AIM2: variants seen among roughly 807,000 people sequenced by gnomAD.
AIM2 encodes interferon-inducible protein AIM2.
Under a neutral mutation model 27.7 loss-of-function variants are expected in AIM2, and 30 were observed. That is an observed-to-expected ratio of 1.08 (90% CI 0.81 to 1.47). AIM2 has a LOEUF of 1.47. Ranked by LOEUF, AIM2 falls within the 40% of genes most tolerant of loss-of-function variation. The pLI, the probability that AIM2 is intolerant of heterozygous loss-of-function variation, is 0.00. For synonymous variants in AIM2, 141 were observed against 145.3 expected, an observed-to-expected ratio of 0.97 and a Z score of 0.21; for missense variants, 358 against 411.3, an observed-to-expected ratio of 0.87 and a Z score of 1.12.
intron 1 of AIM2, among the ~76,000 whole-genome samples, chr1:159,119,532 C>T (rs2102037979): frequency 6.6e-6 from 1 of 152,144 alleles, no homozygotes; most frequent in South Asian, 2.1e-4. Context: ...TGTCAAGACC[C>T]CAATTGTTCT....
chr1:159,061,714 G>A (rs1386564498), downstream of AIM2, among the ~76,000 whole-genome samples: 1 of 151,714 alleles, frequency 6.6e-6, no homozygotes. Context: ...CTGGATACAG[G>A]GTCTTCAGCA....
At chr1:159,077,381 T>C (rs11265139), upstream of AIM2, among the ~76,000 whole-genome samples, 969 of 152,356 alleles carry the variant, frequency 6.4e-3, 13 homozygotes, top group African/African-American at 0.022. Context: ...TCCGGAACTG[T>C]CATGGCGTCA....
At chr1:159,057,696 T>C (rs1314441525), downstream of AIM2, among the ~76,000 whole-genome samples, 2 of 152,166 alleles carry the variant, frequency 1.3e-5, no homozygotes, top group African/African-American at 4.8e-5. Flanking sequence ...TAAAAACAAC[T>C]AGTGAGTTTA....
At chr1:159,080,122 C>T (rs552835867), upstream of AIM2, among the ~76,000 whole-genome samples, 5 of 152,222 alleles carry the variant, frequency 3.3e-5, no homozygotes, top group East Asian at 1.9e-4. Context: ...TTGGCAATTA[C>T]GAATAAACCT....
chr1:159,099,454 C>T (rs367976365), intron 1 of AIM2, among the ~76,000 whole-genome samples: 5 of 152,286 alleles, frequency 3.3e-5, no homozygotes, highest in South Asian at 2.1e-4. Context: ...CCTTAAGGCA[C>T]GACTCAGGAT....
intron 1 of AIM2, among the ~76,000 whole-genome samples, chr1:159,100,306 A>G (rs910389655): frequency 6.6e-6 from 1 of 152,144 alleles, no homozygotes; most frequent in Non-Finnish European, 1.5e-5. Context: ...ACCTTATAAA[A>G]CCATTTGTGT....
chr1:159,074,539 G>A (rs1656511885), intron 1 of AIM2, among the ~76,000 whole-genome samples: 4 of 151,314 alleles, frequency 2.6e-5, no homozygotes, highest in Admixed American at 2.6e-4. Flanking sequence ...ACCTATTTTT[G>A]TAACTTGTTG....
chr1:159,075,534 T>TAC (rs55988373), intron 1 of AIM2, among the ~76,000 whole-genome samples: 8,890 of 129,344 alleles, frequency 0.069, 424 homozygotes, highest in African/African-American at 0.14. Context: ...ATACCTGCAA[T>TAC]ACACACACAC....
At chr1:159,056,854 C>T in the AIM2 span, among the ~76,000 whole-genome samples, 92 of 151,164 alleles carry the variant, frequency 6.1e-4, no homozygotes, top group African/African-American at 2.1e-3. Context: ...GAGGATGCAT[C>T]TGACGGGAGT....
intron 1 of AIM2, among the ~76,000 whole-genome samples, chr1:159,073,725 T>G (rs956620706): frequency 6.6e-6 from 1 of 152,110 alleles, no homozygotes; most frequent in Admixed American, 6.6e-5. Context: ...ATACAACACC[T>G]CTGGAATTCT....
downstream of AIM2, chr1:159,062,452 T>C (rs549513537): frequency 7.2e-6 from 4 of 555,796 alleles, no homozygotes; most frequent in Admixed American, 6.7e-5. Flanking sequence ...AGACAAGGGA[T>C]TGACAAACTA....
upstream of AIM2, among the ~76,000 whole-genome samples, chr1:159,141,596 C>A (rs556118493): frequency 1.1e-4 from 16 of 152,262 alleles, no homozygotes; most frequent in African/African-American, 3.6e-4. Context: ...ATAAAAGAGG[C>A]ACCTGCCAGG....
At chr1:159,055,637 A>G in the AIM2 span, among the ~76,000 whole-genome samples, 1 of 152,342 alleles carries the variant, frequency 6.6e-6, no homozygotes, top group African/African-American at 2.4e-5. Context: ...GCAATCCACT[A>G]TAGTGATCTG....
chr1:159,100,453 A>G (rs1348046829), intron 1 of AIM2, among the ~76,000 whole-genome samples: 1 of 152,170 alleles, frequency 6.6e-6, no homozygotes, highest in Admixed American at 6.5e-5. Flanking sequence ...GGAAGGAAAG[A>G]AAGAGTGCAT....
At chr1:159,071,933 A>G (rs1046432202) in intron 2 of AIM2, among the ~76,000 whole-genome samples, 4 of 152,048 alleles carry the variant, frequency 2.6e-5, no homozygotes, top group Non-Finnish European at 5.9e-5. Context: ...GCTAAGCAGA[A>G]TAACAAAATC....
Position 159,063,611 on chromosome 1 carries a change from G to A in AIM2, c.880C>T (p.Leu294=), listed in dbSNP as rs776508358. 3.1e-6 allele frequency: 5 copies of A among 1,614,032 alleles called. No individual in the cohort carries two copies. Among genetic ancestry groups the A allele is most frequent in the South Asian group, 1.1e-5 (1 of 91,076 alleles). ...ATTGTGTCCTCGTTTCTAACCCCCAGTACTTCCATTTTCCCAGTGTTGTCA... is the reference window on the plus strand; with the variant it reads ...ATTGTGTCCTCGTTTCTAACCCCCAATACTTCCATTTTCCCAGTGTTGTCA... ...LSDNTGKMEV[L]GVRNEDTMKC... is the part of the protein sequence containing the mutation. The change falls in exon 5 of 6, where the codon CTG becomes TTG. Residue 294 remains leucine, a synonymous_variant. Coordinates refer to ENST00000368130, the MANE Select transcript of AIM2 (RefSeq NM_004833.3).
chr1:159,068,233 C>T (rs1464819448), intron 3 of AIM2, among the ~76,000 whole-genome samples: 2 of 152,170 alleles, frequency 1.3e-5, no homozygotes, highest in African/African-American at 4.8e-5. Flanking sequence ...TCCTCTTCTT[C>T]TCCTTTCACT....
chr1:159,085,603 C>G (rs1184773668), intron 1 of AIM2, among the ~76,000 whole-genome samples: 1 of 152,178 alleles, frequency 6.6e-6, no homozygotes, highest in Admixed American at 6.5e-5. Context: ...GAACTCCAGA[C>G]AGTAACGTGG....
chr1:159,131,434 A>C (rs1647871788), intron 1 of AIM2, among the ~76,000 whole-genome samples: 1 of 152,206 alleles, frequency 6.6e-6, no homozygotes, highest in Non-Finnish European at 1.5e-5. Flanking sequence ...AAGTAATTAG[A>C]ATAATTTATC....
Sources: gnomAD v4.1 joint callset for allele counts (sites outside exome capture counted in the v4.1 genomes callset) on GRCh38, gnomAD v4.1.1 for gene constraint, MANE v1.5 for transcripts, NCBI Gene and HGNC (gene_info 2026-07-23, HGNC 2026-07-21) for gene names.